PTPRM: variants seen among roughly 807,000 people sequenced by gnomAD.
PTPRM encodes receptor-type tyrosine-protein phosphatase mu.
In PTPRM, 47 loss-of-function variants were observed where a neutral mutation model predicts 186.7. The observed-to-expected ratio is 0.25, with a 90% CI of 0.20 to 0.32. The LOEUF (loss-of-function observed/expected upper bound fraction) is 0.32, where lower values mean the gene tolerates loss of function less well. PTPRM is among the 10% of genes least tolerant of loss of function. The pLI is 1.00. For missense variants in PTPRM, 1,494 were observed against 1,865.0 expected (o/e 0.80, Z 3.66); for synonymous variants, 668 against 674.9 (o/e 0.99, Z 0.16).
chr18:8,023,831 G>GACACACACACACAC lies in PTPRM; in HGVS notation c.1133-45828_1133-45815dup, dbSNP rs71354587. Reference sequence around the variant, plus strand: ...CAATTTAAATGGTAAATTATCAGAAGACACACACACACACACACACACACA... The same window carrying GACACACACACACAC: ...CAATTTAAATGGTAAATTATCAGAAGACACACACACACACACACACACACACACACACACACACA... On this transcript the variant is annotated intron_variant, in intron 7 of 32. Transcript: ENST00000580170. Among the ~76,000 whole-genome samples, 197 of 110,270 alleles carry GACACACACACACAC rather than the reference G, an allele frequency of 1.8e-3. 2 individuals carry two copies. Among genetic ancestry groups the GACACACACACACAC allele is most frequent in the African/African-American group, 5.5e-3 (180 of 32,464 alleles). The allele number at this position is 110,270 out of a possible 152,430, so 72.3% of individuals were successfully genotyped here. A position where few individuals can be genotyped will look rare whatever the true frequency, so the allele number is the denominator to read the frequency against.
chr18:8,292,242 C>T (rs1240483525), intron 19 of PTPRM, among the ~76,000 whole-genome samples: 1 of 152,134 alleles, frequency 6.6e-6, no homozygotes, highest in Non-Finnish European at 1.5e-5. Flanking sequence ...AATATTTTCT[C>T]AGATATCTTG....
At chr18:7,887,911 C>T in intron 2 of PTPRM, 195 bp from the exon 3 acceptor site, 1 of 768,176 alleles carries the variant, frequency 1.3e-6, no homozygotes, top group South Asian at 1.4e-5. Context: ...ATACTATGTG[C>T]ACTCTTGAGA....
At chr18:8,094,981 G>A (rs146885317) in intron 11 of PTPRM, among the ~76,000 whole-genome samples, 163 of 152,282 alleles carry the variant, frequency 1.1e-3, no homozygotes, top group African/African-American at 3.9e-3. Context: ...GCCTGGGCTT[G>A]CCTGTCTTTC....
chr18:7,690,064 A>G (rs1486997055), intron 1 of PTPRM, among the ~76,000 whole-genome samples: 6 of 152,252 alleles, frequency 3.9e-5, no homozygotes, highest in Non-Finnish European at 5.9e-5. Context: ...AATGGGCACC[A>G]TAAAGACCTT....
intron 7 of PTPRM, among the ~76,000 whole-genome samples, chr18:8,034,280 T>TAAAC (rs1235501139): frequency 2.0e-5 from 3 of 152,114 alleles, no homozygotes; most frequent in Non-Finnish European, 4.4e-5. Context: ...ACGTTCACCC[T>TAAAC]ATCCCAACAT....
chr18:7,691,744 G>C (rs1474003939), intron 1 of PTPRM, among the ~76,000 whole-genome samples: 1 of 152,100 alleles, frequency 6.6e-6, no homozygotes. Flanking sequence ...GTGAGACCCT[G>C]TTTCTGAAAC....
chr18:7,725,239 G>A (rs1198484719), intron 1 of PTPRM, among the ~76,000 whole-genome samples: 1 of 152,150 alleles, frequency 6.6e-6, no homozygotes, highest in African/African-American at 2.4e-5. Flanking sequence ...GGGTCCTTTT[G>A]TAAGGCAACT....
At chr18:8,106,631 A>G (rs1261733101) in intron 11 of PTPRM, among the ~76,000 whole-genome samples, 2 of 152,132 alleles carry the variant, frequency 1.3e-5, no homozygotes, top group East Asian at 3.9e-4. Flanking sequence ...TCCTCTTTTT[A>G]TTCTTCCCCT....
At chr18:7,751,401 C>G (rs1164334794) in intron 1 of PTPRM, 4 of 152,176 alleles carry the variant, frequency 2.6e-5, no homozygotes, top group Admixed American at 6.5e-5. Context: ...ATCTTCAATT[C>G]CCATTGATAC....
At chr18:8,374,378 CT>C (rs1449971623) in intron 24 of PTPRM, among the ~76,000 whole-genome samples, 2 of 152,034 alleles carry the variant, frequency 1.3e-5, no homozygotes, top group Non-Finnish European at 2.9e-5. Flanking sequence ...CTTTTTTCCC[CT>C]TTGGAATAAA....
intron 1 of PTPRM, among the ~76,000 whole-genome samples, chr18:7,622,664 C>T (rs543700023): frequency 6.6e-6 from 1 of 152,262 alleles, no homozygotes; most frequent in Non-Finnish European, 1.5e-5. Context: ...GCCTGCTGCC[C>T]TCCTGCAGGG....
chr18:8,040,099 G>A (rs1341576839), intron 7 of PTPRM, among the ~76,000 whole-genome samples: 1 of 152,166 alleles, frequency 6.6e-6, no homozygotes, highest in East Asian at 1.9e-4. Flanking sequence ...TTTCAGGGTT[G>A]ATTTCCCCAG....
chr18:7,640,869 T>C (rs765848541), intron 1 of PTPRM, among the ~76,000 whole-genome samples: 2 of 152,112 alleles, frequency 1.3e-5, no homozygotes, highest in Non-Finnish European at 2.9e-5. Context: ...ACCCTGAAGT[T>C]GGGGTTCTAA....
chr18:8,196,912 G>C (rs942445416), intron 14 of PTPRM, among the ~76,000 whole-genome samples: 18 of 152,152 alleles, frequency 1.2e-4, no homozygotes, highest in African/African-American at 4.3e-4. Context: ...GTGGGCAAAC[G>C]TCTGACTTGA....
At chr18:8,389,064 A>G (rs992299031) in intron 31 of PTPRM, among the ~76,000 whole-genome samples, 9 of 152,226 alleles carry the variant, frequency 5.9e-5, no homozygotes, top group African/African-American at 1.9e-4. Context: ...CCAACCTCTG[A>G]TCAGAACAAG....
chr18:8,314,674 G>C lies in PTPRM; in HGVS notation c.2843-107G>C. ...TATTTAATTCTTTATCTTTAAAGCA[G>C]AGTGTCTGTGGGTGATCTCTATGTA... On this transcript the variant is annotated intron_variant, in intron 20 of 32. Coordinates refer to ENST00000580170, the MANE Select transcript of PTPRM (RefSeq NM_001105244.2). 4 of 652,246 alleles carry C rather than the reference G, an allele frequency of 6.1e-6. No individual in the cohort carries two copies. The South Asian group carries it at 8.2e-5, about 13-fold the overall frequency. 40.4% of individuals were successfully genotyped at this position (652,246 alleles called of 1,614,324 possible).
chr18:8,314,500 C>T (rs2095293763), intron 20 of PTPRM, among the ~76,000 whole-genome samples: 1 of 152,208 alleles, frequency 6.6e-6, no homozygotes, highest in African/African-American at 2.4e-5. Context: ...TTGTGGTTCA[C>T]AGGATTGTAT....
At chr18:8,010,240 TC>T (rs1317932743) in intron 7 of PTPRM, among the ~76,000 whole-genome samples, 3 of 152,220 alleles carry the variant, frequency 2.0e-5, no homozygotes, top group African/African-American at 7.2e-5. Flanking sequence ...TTTCCTAATA[TC>T]ATTACCAAAT....
intron 2 of PTPRM, among the ~76,000 whole-genome samples, chr18:7,860,565 T>C (rs1280961974): frequency 3.9e-5 from 6 of 152,148 alleles, no homozygotes; most frequent in Non-Finnish European, 2.9e-5. Context: ...CAGAACTAAT[T>C]AGCCTTTCCA....
Sources: allele counts gnomAD v4.1 joint callset (sites outside exome capture counted in the v4.1 genomes callset), GRCh38; gene constraint gnomAD v4.1.1; transcripts MANE v1.5; gene names NCBI Gene and HGNC (gene_info 2026-07-23, HGNC 2026-07-21).